SLC36A1: variants seen among roughly 807,000 people sequenced by gnomAD.
SLC36A1 encodes solute carrier family 36 member 1, also known as proton-coupled amino acid transporter 1.
Under a neutral mutation model 47.5 loss-of-function variants are expected in SLC36A1, and 30 were observed. The observed-to-expected ratio is 0.63, with a 90% CI of 0.47 to 0.86. The LOEUF (loss-of-function observed/expected upper bound fraction) is 0.86, where lower values mean the gene tolerates loss of function less well. Ranked by LOEUF, SLC36A1 falls within the 40% of genes least tolerant of loss-of-function variation. The pLI, the probability that SLC36A1 is intolerant of heterozygous loss-of-function variation, is 0.00. For missense variants in SLC36A1, 517 were observed against 606.0 expected, an observed-to-expected ratio of 0.85 and a Z score of 1.54; for synonymous variants, 255 against 249.7, an observed-to-expected ratio of 1.02 and a Z score of -0.20.
At chr5:151,485,281 A>T (rs1759366387) in intron 10 of SLC36A1, among the ~76,000 whole-genome samples, 1 of 152,224 alleles carries the variant, frequency 6.6e-6, no homozygotes. Flanking sequence ...ATGGTTGATT[A>T]ATAGAAGAAG....
At chr5:151,358,639 A>G in the SLC36A1 span, among the ~76,000 whole-genome samples, 1,643 of 152,146 alleles carry the variant, frequency 0.011, 67 homozygotes, top group East Asian at 0.15. Context: ...GTGGTTCTCA[A>G]ACTTCAGTGG....
chr5:151,409,679 A>T, the SLC36A1 span, among the ~76,000 whole-genome samples: 3 of 152,208 alleles, frequency 2.0e-5, no homozygotes, highest in Non-Finnish European at 2.9e-5. Context: ...CATTGTAATA[A>T]GGCCCCCAGG....
At chr5:151,382,318 G>A in the SLC36A1 span, 1 of 1,035,244 alleles carries the variant, frequency 9.7e-7, no homozygotes. Flanking sequence ...CGCCTCAGCA[G>A]CCTCAAGTTC....
At chr5:151,401,367 C>A in the SLC36A1 span, among the ~76,000 whole-genome samples, 3,558 of 152,238 alleles carry the variant, frequency 0.023, 124 homozygotes, top group East Asian at 0.14. Flanking sequence ...GTTCTCTGTT[C>A]TGTTCCATGG....
the SLC36A1 span, chr5:151,366,679 C>G: frequency 1.3e-5 from 2 of 157,622 alleles, no homozygotes; most frequent in East Asian, 1.9e-4. Flanking sequence ...AGAAGATAAC[C>G]TGGTTTCCAC....
the SLC36A1 span, among the ~76,000 whole-genome samples, chr5:151,541,436 A>G: frequency 2.0e-5 from 3 of 152,186 alleles, no homozygotes; most frequent in African/African-American, 7.2e-5. Context: ...GTTTTTCTAC[A>G]ACTCTGTATT....
chr5:151,505,678 CACAG>C, the SLC36A1 span: 3 of 1,614,154 alleles, frequency 1.9e-6, no homozygotes, highest in Non-Finnish European at 2.5e-6. Context: ...CCCTCCACCT[CACAG>C]ACAGCATAAG....
the SLC36A1 span, among the ~76,000 whole-genome samples, chr5:151,502,552 C>G: frequency 6.1e-5 from 9 of 148,070 alleles, no homozygotes; most frequent in East Asian, 1.5e-3. Context: ...AAAAGATGCT[C>G]CACATCATAT....
the SLC36A1 span, among the ~76,000 whole-genome samples, chr5:151,552,932 A>G: frequency 5.9e-5 from 9 of 152,222 alleles, no homozygotes; most frequent in African/African-American, 2.2e-4. Flanking sequence ...TAACTGAGGC[A>G]CTGCCAACTC....
At chr5:151,427,894 A>G in the SLC36A1 span, among the ~76,000 whole-genome samples, 1 of 152,184 alleles carries the variant, frequency 6.6e-6, no homozygotes, top group Non-Finnish European at 1.5e-5. Flanking sequence ...TGGAGAGTGA[A>G]CAGTTACATC....
At chr5:151,534,669 G>A in the SLC36A1 span, 8,033 of 1,583,232 alleles carry the variant, frequency 5.1e-3, 43 homozygotes, top group Middle Eastern at 0.021. Flanking sequence ...CAAAAGTTGA[G>A]CTTTCTCTGG....
the SLC36A1 span, among the ~76,000 whole-genome samples, chr5:151,351,659 A>T: frequency 1.3e-5 from 2 of 151,900 alleles, no homozygotes; most frequent in African/African-American, 2.4e-5. Flanking sequence ...GACAGTTATC[A>T]TCATCATCAT....
At chr5:151,480,714 A>G (rs567445189) in intron 10 of SLC36A1, among the ~76,000 whole-genome samples, 12 of 152,348 alleles carry the variant, frequency 7.9e-5, no homozygotes, top group African/African-American at 2.9e-4. Context: ...GTAACTCTCC[A>G]TGCTTTGATT....
chr5:151,382,046 C>G, the SLC36A1 span: 1 of 684,170 alleles, frequency 1.5e-6, no homozygotes, highest in Admixed American at 2.2e-5. Flanking sequence ...CAGTCTTTGC[C>G]CTTCCTGTTA....
chr5:151,395,213 G>A, the SLC36A1 span, among the ~76,000 whole-genome samples: 279 of 152,314 alleles, frequency 1.8e-3, 2 homozygotes, highest in Non-Finnish European at 3.1e-3. Context: ...GCCAGGCGCC[G>A]GATATAATCT....
At chr5:151,512,439 C>T in the SLC36A1 span, 1 of 1,614,232 alleles carries the variant, frequency 6.2e-7, no homozygotes, top group African/African-American at 1.3e-5. The surrounding 1 kb of genome is among the most constrained non-coding windows in gnomAD (Gnocchi z 4.1). Context: ...TCTCTGGGAC[C>T]ACAAGGGAGG....
chr5:151,553,250 C>T, the SLC36A1 span: 10 of 1,614,088 alleles, frequency 6.2e-6, no homozygotes, highest in East Asian at 2.2e-5. Flanking sequence ...TCACAGGGTC[C>T]GTCTCCATGA....
At position 151,479,419 on chromosome 5, in the gene SLC36A1, G is replaced by T. The variant is rs776303389; in HGVS notation, c.1089G>T (p.Val363=). The T allele has an allele frequency of 6.2e-7, 1 of 1,614,032 alleles. No individual in the cohort carries two copies. The highest frequency in any genetic ancestry group is 2.2e-5 in the East Asian group (1 of 44,902). ...CTGAGATCATCATCCCCTTCTTTGT[G>T]TCCCGAGCGCCCGAGCACTGTGAGT... The part of the protein sequence containing the change: ...VPAEIIIPFF[V]SRAPEHCELV... The change falls in exon 10 of 11, where the codon GTG becomes GTT. Residue 363 remains valine, a synonymous_variant. Coordinates refer to ENST00000243389, the MANE Select transcript of SLC36A1 (RefSeq NM_078483.4).
chr5:151,385,298 A>G, the SLC36A1 span, among the ~76,000 whole-genome samples: 2 of 152,178 alleles, frequency 1.3e-5, no homozygotes, highest in Non-Finnish European at 2.9e-5. Flanking sequence ...AGACTAAGCC[A>G]TGTGCTGTTT....
Sources: gnomAD v4.1 joint callset for allele counts (sites outside exome capture counted in the v4.1 genomes callset) on GRCh38, gnomAD v4.1.1 for gene constraint, Gnocchi (gnomAD v3.1) non-coding constraint, MANE v1.5 for transcripts, NCBI Gene and HGNC (gene_info 2026-07-23, HGNC 2026-07-21) for gene names.